The following SMARCA2 variants were observed in gnomAD, a reference collection of about 807,000 sequenced individuals.
The protein encoded by SMARCA2 is SWI/SNF-related matrix-associated actin-dependent regulator of chromatin subfamily A member 2.
SMARCA2 carries 61 observed loss-of-function variants against 199.8 expected under a neutral mutation model. The observed-to-expected ratio is 0.31, with a 90% CI of 0.25 to 0.38. The LOEUF (loss-of-function observed/expected upper bound fraction) is 0.38. SMARCA2 is among the 10% of genes least tolerant of loss of function. SMARCA2 has a pLI of 1.00. For synonymous variants in SMARCA2, 935 were observed against 732.0 expected (o/e 1.28, Z -4.48); for missense variants, 1,344 against 2,012.2 (o/e 0.67, Z 6.35).
intron 4 of SMARCA2, among the ~76,000 whole-genome samples, chr9:2,046,366 A>C (rs536658697): frequency 2.9e-4 from 44 of 152,362 alleles, no homozygotes; most frequent in Admixed American, 5.2e-4. Context: ...CTTTCAGATT[A>C]CATATTGTTT....
chr9:2,038,060 C>G (rs1819407543), intron 3 of SMARCA2, among the ~76,000 whole-genome samples: 1 of 152,166 alleles, frequency 6.6e-6, no homozygotes, highest in South Asian at 2.1e-4. Context: ...ACAGTTTACT[C>G]TCATTTTTAT....
chr9:2,175,358 G>A (rs112310186), intron 29 of SMARCA2, among the ~76,000 whole-genome samples: 3 of 145,384 alleles, frequency 2.1e-5, no homozygotes, highest in African/African-American at 7.9e-5. Flanking sequence ...CTTACGTCCT[G>A]TTTCAAGCAC....
intron 23 of SMARCA2, among the ~76,000 whole-genome samples, chr9:2,108,049 G>C (rs545374619): frequency 6.6e-6 from 1 of 152,270 alleles, no homozygotes; most frequent in Non-Finnish European, 1.5e-5. Flanking sequence ...TTCTACACAG[G>C]CATAGCCAGG....
intron 9 of SMARCA2, among the ~76,000 whole-genome samples, chr9:2,069,561 A>G (rs989949300): frequency 4.0e-5 from 6 of 151,332 alleles, no homozygotes; most frequent in Non-Finnish European, 8.9e-5. Context: ...TCTGTCTCAA[A>G]AAAAAAAAAA....
At chr9:2,031,913 A>G (rs1415030302) in intron 2 of SMARCA2, among the ~76,000 whole-genome samples, 1 of 152,224 alleles carries the variant, frequency 6.6e-6, no homozygotes, top group African/African-American at 2.4e-5. Context: ...AAATAAATAA[A>G]CAAGTGGCCT....
At chr9:2,186,372 G>A in intron 32 of SMARCA2, 144 bp downstream of exon 32, 4 of 800,788 alleles carry the variant, frequency 5.0e-6, no homozygotes, top group Non-Finnish European at 7.7e-6. Flanking sequence ...TGGGCAACCG[G>A]TGGCCATGTC....
At chr9:2,097,082 T>C in intron 20 of SMARCA2, 1 of 491,940 alleles carries the variant, frequency 2.0e-6, no homozygotes, top group South Asian at 2.7e-5. Context: ...CCTGGGCATC[T>C]GTTCTGTGCT....
chr9:2,115,123 A>G lies in SMARCA2; in HGVS notation c.3457-699A>G, dbSNP rs575527200. ...TATTTCTAAATCTTTGTGCATATCT[A>G]TGATTATTTGTTTAGGATACATTTC... is the stretch of plus-strand genomic sequence containing the variant. On this transcript the variant is annotated intron_variant, in intron 24 of 33. Coordinates refer to ENST00000349721, the MANE Select transcript of SMARCA2 (RefSeq NM_003070.5). The surrounding 1 kb of genome is among the most constrained non-coding windows in gnomAD (Gnocchi z 6.0). Among the ~76,000 whole-genome samples, 1 of 146,568 alleles carries G rather than the reference A, an allele frequency of 6.8e-6. No homozygotes were observed. Among genetic ancestry groups the G allele is most frequent in the Non-Finnish European group, 1.5e-5 (1 of 67,756 alleles).
intron 29 of SMARCA2, among the ~76,000 whole-genome samples, chr9:2,176,328 T>A (rs1826601754): frequency 6.6e-6 from 1 of 152,052 alleles, no homozygotes; most frequent in African/African-American, 2.4e-5. Flanking sequence ...TTTTAAGTAA[T>A]CCTGTCATGA....
chr9:2,076,497 G>A (rs1357847313), intron 13 of SMARCA2, among the ~76,000 whole-genome samples, 168 bp downstream of exon 13: 3 of 151,764 alleles, frequency 2.0e-5, no homozygotes, highest in South Asian at 2.1e-4. Context: ...AGGTCTCGGG[G>A]TTTCGTGTTG....
chr9:2,035,296 G>C (rs1027904837), intron 3 of SMARCA2, among the ~76,000 whole-genome samples: 2 of 152,068 alleles, frequency 1.3e-5, no homozygotes, highest in East Asian at 1.9e-4. Flanking sequence ...ACCCTCCTCA[G>C]CCTCCCACAG....
At position 2,191,454 on chromosome 9, in the gene SMARCA2, T is replaced by TG. The variant is rs746060676; in HGVS notation, c.4737+47dup. ...CTGAAGGCGGAGACGCCCTCTCCCC[T>TG]GCTTGCTGGCCTCTTGCATTTCCAT... On this transcript the variant is annotated intron_variant, in intron 33 of 33. Transcript: ENST00000349721. 1.0e-5 allele frequency: 16 copies of TG among 1,604,924 alleles called. No homozygotes were observed. The African/African-American group carries it at 2.1e-4, about 22-fold the overall frequency.
At chr9:2,018,356 C>CTT (rs144514367) in intron 1 of SMARCA2, among the ~76,000 whole-genome samples, 5 of 152,072 alleles carry the variant, frequency 3.3e-5, no homozygotes, top group African/African-American at 1.2e-4. Flanking sequence ...AAGGTTGTCT[C>CTT]TTTTTTTTCC....
At chr9:2,095,074 C>A (rs1822214727) in intron 19 of SMARCA2, among the ~76,000 whole-genome samples, 1 of 151,550 alleles carries the variant, frequency 6.6e-6, no homozygotes, top group Non-Finnish European at 1.5e-5. Flanking sequence ...CTCAATACAG[C>A]TGAAAAAATT....
chr9:2,134,109 G>A (rs1022292189), intron 27 of SMARCA2, among the ~76,000 whole-genome samples: 1 of 152,148 alleles, frequency 6.6e-6, no homozygotes, highest in Non-Finnish European at 1.5e-5. Context: ...CAATTATTTC[G>A]AAGAAGACCT....
At chr9:2,166,983 T>C (rs1247882097) in intron 28 of SMARCA2, among the ~76,000 whole-genome samples, 1 of 152,238 alleles carries the variant, frequency 6.6e-6, no homozygotes, top group Non-Finnish European at 1.5e-5. Context: ...ATGTTATTTA[T>C]CTTTTCTAAA....
intron 30 of SMARCA2, 105 bp from the exon 31 acceptor site, chr9:2,182,036 T>TA (rs1478212182): frequency 3.7e-6 from 3 of 817,272 alleles, no homozygotes; most frequent in African/African-American, 1.7e-5. Context: ...GGCAGGGCTT[T>TA]ATGCTGTGAA....
rs754580847 is a variant in SMARCA2 at position 2,039,142 on chromosome 9, T to C, written c.356-324T>C. Among the ~76,000 whole-genome samples, 5 of 152,170 alleles carry C rather than the reference T, an allele frequency of 3.3e-5. No individual in the cohort carries two copies. Among genetic ancestry groups the C allele is most frequent in the Non-Finnish European group, 7.4e-5 (5 of 68,024 alleles). On this transcript the variant is annotated intron_variant, in intron 3 of 33. Transcript: ENST00000349721. The surrounding 1 kb of genome is among the most constrained non-coding windows in gnomAD (Gnocchi z 4.8). ...CAAAGACTTAATATGAAAAAAAGAA[T>C]GTAGAATGTCTCATCAACAGTTTTT...
At chr9:2,048,185 G>A (rs574398465) in intron 5 of SMARCA2, among the ~76,000 whole-genome samples, 1 of 152,238 alleles carries the variant, frequency 6.6e-6, no homozygotes, top group East Asian at 1.9e-4. Flanking sequence ...GCAGAATTTG[G>A]CCTGCAGGCT....
Sources: gnomAD v4.1 joint callset for allele counts (sites outside exome capture counted in the v4.1 genomes callset) on GRCh38, gnomAD v4.1.1 for gene constraint, Gnocchi (gnomAD v3.1) non-coding constraint, MANE v1.5 for transcripts, NCBI Gene and HGNC (gene_info 2026-07-23, HGNC 2026-07-21) for gene names.